Variants in RBFOX1 observed in about 807,000 individuals in gnomAD.
RBFOX1 encodes the protein RNA binding protein fox-1 homolog 1.
In RBFOX1, 8 loss-of-function variants were observed where a neutral mutation model predicts 57.7. That is an observed-to-expected ratio of 0.14 (90% CI 0.08 to 0.25). The LOEUF (loss-of-function observed/expected upper bound fraction) is 0.25, where lower values mean the gene tolerates loss of function less well. Ranked by LOEUF, RBFOX1 falls within the 10% of genes least tolerant of loss-of-function variation. The pLI, the probability that RBFOX1 is intolerant of heterozygous loss-of-function variation, is 1.00. For synonymous variants in RBFOX1, 326 were observed against 222.4 expected (o/e 1.47, Z -4.15); for missense variants, 611 against 548.5 (o/e 1.11, Z -1.14).
chr16:5,588,199 T>C (rs1000773531), intron 2 of RBFOX1, among the ~76,000 whole-genome samples: 2 of 152,044 alleles, frequency 1.3e-5, no homozygotes, highest in Admixed American at 1.3e-4. Flanking sequence ...TGCTTGGGGC[T>C]GTGGGAATGG....
intron 1 of RBFOX1, among the ~76,000 whole-genome samples, chr16:6,125,972 T>C (rs2096586798): frequency 6.6e-6 from 1 of 152,204 alleles, no homozygotes; most frequent in Admixed American, 6.5e-5. Flanking sequence ...GGGGATAGTC[T>C]TCCATAATAA....
intron 2 of RBFOX1, among the ~76,000 whole-genome samples, chr16:6,564,377 G>A (rs1298572162): frequency 1.3e-5 from 2 of 152,096 alleles, no homozygotes; most frequent in Non-Finnish European, 2.9e-5. Context: ...AAAACATGGT[G>A]TGAACCCAGG....
intron 2 of RBFOX1, among the ~76,000 whole-genome samples, chr16:6,562,032 G>T (rs755256430): frequency 6.6e-5 from 10 of 152,314 alleles, no homozygotes; most frequent in Non-Finnish European, 5.9e-5. Flanking sequence ...GTGCTTTAAG[G>T]CATGGAGTTT....
intron 3 of RBFOX1, among the ~76,000 whole-genome samples, chr16:6,876,851 G>A (rs914478405): frequency 3.3e-5 from 5 of 152,198 alleles, no homozygotes; most frequent in South Asian, 2.1e-4. Context: ...AGCAATGGAA[G>A]TGGGATTGGC....
chr16:5,473,032 T>G (rs2069192162), intron 2 of RBFOX1, among the ~76,000 whole-genome samples: 1 of 152,188 alleles, frequency 6.6e-6, no homozygotes, highest in Non-Finnish European at 1.5e-5. Flanking sequence ...TGCCCCTGCC[T>G]TGATCCATGA....
At chr16:6,617,966 G>C (rs965463388) in intron 2 of RBFOX1, among the ~76,000 whole-genome samples, 1 of 152,130 alleles carries the variant, frequency 6.6e-6, no homozygotes, top group Non-Finnish European at 1.5e-5. Context: ...CTGGTGTCTT[G>C]CAAGTGCTTT....
At chr16:7,312,566 T>G (rs1234542728) in intron 4 of RBFOX1, among the ~76,000 whole-genome samples, 1 of 152,164 alleles carries the variant, frequency 6.6e-6, no homozygotes, top group Non-Finnish European at 1.5e-5. Flanking sequence ...TCTTCTTGGT[T>G]CCACTACCCT....
chr16:6,613,005 GTGTGTGT>G (rs2098087477), intron 2 of RBFOX1, among the ~76,000 whole-genome samples: 143 of 1,366 alleles, frequency 0.1, no homozygotes, highest in African/African-American at 0.14. Context: ...GTCCCAGCAT[GTGTGTGT>G]GTGTGTGTGT....
chr16:7,066,522 TGAG>T (rs2056080787), intron 4 of RBFOX1, among the ~76,000 whole-genome samples: 2 of 152,130 alleles, frequency 1.3e-5, no homozygotes, highest in Non-Finnish European at 2.9e-5. Context: ...AGCTACCAAA[TGAG>T]CTGAGTATTT....
chr16:6,702,491 C>T (rs1242254229), intron 3 of RBFOX1, among the ~76,000 whole-genome samples: 2 of 151,842 alleles, frequency 1.3e-5, no homozygotes, highest in African/African-American at 2.4e-5. Flanking sequence ...GAGGCAGAGG[C>T]TACAGTGAGC....
intron 1 of RBFOX1, among the ~76,000 whole-genome samples, chr16:5,336,548 A>G (rs562846480): frequency 6.6e-6 from 1 of 152,266 alleles, no homozygotes; most frequent in Admixed American, 6.5e-5. Context: ...AGACCTGTGG[A>G]CAACTTGATC....
chr16:6,761,527 A>T (rs1338371996), intron 3 of RBFOX1, among the ~76,000 whole-genome samples: 8 of 2,628 alleles, frequency 3.0e-3, no homozygotes, highest in Non-Finnish European at 5.7e-3. Context: ...TTTTTTTTTG[A>T]GACAGAGTCT....
At chr16:6,018,547 C>T (rs946217184), upstream of RBFOX1, among the ~76,000 whole-genome samples, 1 of 152,092 alleles carries the variant, frequency 6.6e-6, no homozygotes, top group Non-Finnish European at 1.5e-5. Context: ...CAGGAGAGGC[C>T]CAGCTGTGCG....
chr16:7,567,565 CTA>C (rs200899404), intron 5 of RBFOX1, among the ~76,000 whole-genome samples: 20,791 of 90,552 alleles, frequency 0.23, 5,990 homozygotes, highest in Non-Finnish European at 0.33. Context: ...ATATATGGCC[CTA>C]TATATATATA....
At chr16:7,092,023 A>G (rs563430723) in intron 4 of RBFOX1, among the ~76,000 whole-genome samples, 17 of 152,312 alleles carry the variant, frequency 1.1e-4, no homozygotes, top group South Asian at 2.1e-4. Flanking sequence ...AAATTAGTCA[A>G]TGAGAAAAAA....
chr16:6,730,859 C>G (rs1345889672), intron 3 of RBFOX1, among the ~76,000 whole-genome samples: 1 of 152,150 alleles, frequency 6.6e-6, no homozygotes, highest in African/African-American at 2.4e-5. Context: ...CTAAAGATTC[C>G]CAGACCCCAC....
intron 4 of RBFOX1, among the ~76,000 whole-genome samples, chr16:7,316,059 C>A (rs887970540): frequency 6.6e-6 from 1 of 152,184 alleles, no homozygotes; most frequent in Non-Finnish European, 1.5e-5. Context: ...ATAGTTCTTC[C>A]TGGCTTTGTG....
intron 2 of RBFOX1, among the ~76,000 whole-genome samples, chr16:6,429,441 AG>A (rs1225004589): frequency 3.9e-5 from 6 of 152,194 alleles, no homozygotes; most frequent in Non-Finnish European, 1.5e-5. Flanking sequence ...TAGATCCTAA[AG>A]GCCCTGGTAT....
intron 14 of RBFOX1, among the ~76,000 whole-genome samples, chr16:7,685,017 G>A (rs1261922091): frequency 6.6e-6 from 1 of 152,054 alleles, no homozygotes; most frequent in African/African-American, 2.4e-5. Flanking sequence ...GCAGAGCCTT[G>A]CCTTGTAAAG....
Sources: allele counts gnomAD v4.1 joint callset (sites outside exome capture counted in the v4.1 genomes callset), GRCh38; gene constraint gnomAD v4.1.1; transcripts MANE v1.5; gene names NCBI Gene and HGNC (gene_info 2026-07-23, HGNC 2026-07-21).